KAZN: variants seen among roughly 807,000 people sequenced by gnomAD.
The protein encoded by KAZN is kazrin.
In KAZN, 40 loss-of-function variants were observed where a neutral mutation model predicts 87.4. The ratio of observed to expected loss-of-function variants is 0.46; its 90% CI spans 0.36 to 0.60. The LOEUF (loss-of-function observed/expected upper bound fraction) is 0.60. Among genes scored for constraint, KAZN ranks in the 20% least tolerant of loss-of-function variants. The pLI, the probability that KAZN is intolerant of heterozygous loss-of-function variation, is 0.00. For missense variants in KAZN, 898 were observed against 1,073.9 expected (o/e 0.84, Z 2.29); for synonymous variants, 466 against 458.3 (o/e 1.02, Z -0.22).
intron 1 of KAZN, among the ~76,000 whole-genome samples, chr1:14,099,425 T>C (rs1270709009): frequency 1.3e-5 from 2 of 152,186 alleles, no homozygotes; most frequent in African/African-American, 4.8e-5. Flanking sequence ...ATATAGCCTG[T>C]ACCCTGTTCC....
intron 2 of KAZN, among the ~76,000 whole-genome samples, chr1:15,022,450 G>A (rs1670773627): frequency 6.6e-6 from 1 of 152,176 alleles, no homozygotes; most frequent in African/African-American, 2.4e-5. Context: ...GAGGCAAAAG[G>A]CACTTACCCA....
intron 2 of KAZN, among the ~76,000 whole-genome samples, chr1:14,406,022 A>G (rs774588127): frequency 6.6e-6 from 1 of 152,192 alleles, no homozygotes; most frequent in Non-Finnish European, 1.5e-5. Flanking sequence ...AATAAGACCT[A>G]CTAGTTGATA....
At chr1:14,643,096 G>T (rs113744602) in intron 1 of KAZN, among the ~76,000 whole-genome samples, 7,544 of 147,202 alleles carry the variant, frequency 0.051, 238 homozygotes, top group Middle Eastern at 0.072. Flanking sequence ...CCCCAAACTG[G>T]AAACAACCCA....
intron 4 of KAZN, among the ~76,000 whole-genome samples, chr1:15,052,253 C>T (rs961368411): frequency 1.3e-5 from 2 of 152,034 alleles, no homozygotes; most frequent in Non-Finnish European, 2.9e-5. Flanking sequence ...ACTCACAGTT[C>T]CACATGGCTG....
At chr1:14,718,616 AAATATTTGTCTCT>A (rs1365146360) in intron 1 of KAZN, among the ~76,000 whole-genome samples, 1 of 152,114 alleles carries the variant, frequency 6.6e-6, no homozygotes, top group Non-Finnish European at 1.5e-5. Context: ...GCTGACTGTT[AAATATTTGTCTCT>A]CCTGCCACTT....
intron 2 of KAZN, among the ~76,000 whole-genome samples, chr1:14,203,233 G>A (rs1646675713): frequency 6.6e-6 from 1 of 152,084 alleles, no homozygotes; most frequent in Non-Finnish European, 1.5e-5. Flanking sequence ...TTGGAAGAGT[G>A]GAGTGCGAGA....
chr1:14,240,171 G>A (rs1648811572), intron 2 of KAZN, among the ~76,000 whole-genome samples: 3 of 152,226 alleles, frequency 2.0e-5, no homozygotes. Flanking sequence ...GACCTAGGCT[G>A]AAAGATACCA....
At chr1:14,301,514 G>T (rs903881427) in intron 2 of KAZN, among the ~76,000 whole-genome samples, 1 of 152,172 alleles carries the variant, frequency 6.6e-6, no homozygotes, top group Admixed American at 6.5e-5. Context: ...GCCACTACAG[G>T]GATCTGTCTG....
At chr1:13,919,507 T>C (rs1175453987) in intron 1 of KAZN, among the ~76,000 whole-genome samples, 2 of 152,240 alleles carry the variant, frequency 1.3e-5, no homozygotes, top group East Asian at 1.9e-4. Flanking sequence ...TACATGACAA[T>C]GCATTCTTTT....
chr1:14,371,013 T>C (rs545318080), intron 2 of KAZN, among the ~76,000 whole-genome samples: 1 of 152,266 alleles, frequency 6.6e-6, no homozygotes, highest in Non-Finnish European at 1.5e-5. Context: ...TAAGACATAA[T>C]GGACACTATT....
intron 2 of KAZN, among the ~76,000 whole-genome samples, chr1:15,024,348 C>T (rs770255705): frequency 1.3e-5 from 2 of 152,150 alleles, no homozygotes; most frequent in East Asian, 1.9e-4. Flanking sequence ...AAGCCAGAGC[C>T]GGTCCCAGAG....
At chr1:14,402,300 A>G (rs977015415) in intron 2 of KAZN, among the ~76,000 whole-genome samples, 2 of 151,880 alleles carry the variant, frequency 1.3e-5, no homozygotes, top group Non-Finnish European at 2.9e-5. Context: ...CAACAAATTT[A>G]TGAAAGAATA....
chr1:14,374,120 C>T (rs1660716987), intron 2 of KAZN, among the ~76,000 whole-genome samples: 1 of 152,208 alleles, frequency 6.6e-6, no homozygotes, highest in Admixed American at 6.5e-5. Flanking sequence ...AAGCACTTCT[C>T]AGACCAAACC....
chr1:14,475,581 T>A (rs1015934859), intron 2 of KAZN, among the ~76,000 whole-genome samples: 3 of 152,186 alleles, frequency 2.0e-5, no homozygotes, highest in Non-Finnish European at 4.4e-5. Flanking sequence ...TTATATCAAA[T>A]GTTTAGATTT....
In KAZN at chr1:14,078,019, A is replaced by G. The variant is rs920896242; in HGVS notation, c.92-102416A>G. ...TTCTGTTCTCCAAGACTGCGAGAGA[A>G]TAGCTTTTGTTGTTTTAAGCCACTT... On this transcript the variant is annotated intron_variant, in intron 1 of 16. Transcript: ENST00000636203. 3.9e-5 allele frequency among the ~76,000 whole-genome samples: 6 copies of G among 152,342 alleles called. 1 individual carries two copies. Among genetic ancestry groups the G allele is most frequent in the African/African-American group, 2.4e-5 (1 of 41,576 alleles).
At chr1:14,240,416 ACCTGGATTTTGGT>A (rs1350508221) in intron 2 of KAZN, among the ~76,000 whole-genome samples, 4 of 152,182 alleles carry the variant, frequency 2.6e-5, no homozygotes, top group Non-Finnish European at 4.4e-5. Flanking sequence ...GTAGGACAGC[ACCTGGATTTTGGT>A]GCCACTTTCT....
intron 1 of KAZN, among the ~76,000 whole-genome samples, chr1:14,103,084 T>C (rs181157191): frequency 1.3e-5 from 2 of 152,074 alleles, no homozygotes; most frequent in Admixed American, 1.3e-4. Context: ...ACCTGGCTAG[T>C]TGTTTTTGCA....
chr1:14,256,307 T>C (rs940541595), intron 2 of KAZN, among the ~76,000 whole-genome samples: 1 of 152,110 alleles, frequency 6.6e-6, no homozygotes, highest in African/African-American at 2.4e-5. Flanking sequence ...CAATATTTAA[T>C]ATGCACACTG....
chr1:14,635,263 A>G (rs543358592), intron 1 of KAZN, among the ~76,000 whole-genome samples: 65 of 152,302 alleles, frequency 4.3e-4, no homozygotes, highest in Admixed American at 2.9e-3. Flanking sequence ...CTAGTCCTTC[A>G]CCTGCTCTAA....
Sources: gnomAD v4.1 joint callset for allele counts (sites outside exome capture counted in the v4.1 genomes callset) on GRCh38, gnomAD v4.1.1 for gene constraint, MANE v1.5 for transcripts, NCBI Gene and HGNC (gene_info 2026-07-23, HGNC 2026-07-21) for gene names.